The following THSD4 variants were observed in gnomAD, a reference collection of about 807,000 sequenced individuals.
THSD4 encodes the protein thrombospondin type 1 domain containing 4, also known as thrombospondin type-1 domain-containing protein 4.
Under a neutral mutation model 119.0 loss-of-function variants are expected in THSD4, and 69 were observed. That is an observed-to-expected ratio of 0.58 (90% confidence interval 0.48 to 0.71). THSD4 has a LOEUF of 0.71. Among genes scored for constraint, THSD4 ranks in the 30% least tolerant of loss-of-function variants. THSD4 has a pLI of 0.00. For synonymous variants in THSD4, 524 were observed against 540.4 expected (o/e 0.97, Z 0.42); for missense variants, 1,393 against 1,391.1 (o/e 1.00, Z -0.02).
At chr15:71,689,668 C>G (rs760100220) in intron 8 of THSD4, among the ~76,000 whole-genome samples, 6 of 152,238 alleles carry the variant, frequency 3.9e-5, no homozygotes, top group Non-Finnish European at 8.8e-5. Flanking sequence ...TGGGGCAAGA[C>G]TGCGTGCATC....
intron 6 of THSD4, among the ~76,000 whole-genome samples, chr15:71,292,867 A>G (rs560481298): frequency 1.3e-3 from 191 of 152,130 alleles, no homozygotes; most frequent in African/African-American, 4.5e-3. Flanking sequence ...TAGTAGAGAC[A>G]GGGTTTCACT....
intron 8 of THSD4, among the ~76,000 whole-genome samples, chr15:71,674,585 C>T (rs750872684): frequency 2.4e-4 from 37 of 152,144 alleles, no homozygotes; most frequent in Non-Finnish European, 4.0e-4. Flanking sequence ...GTCAGGGGCA[C>T]AGCCTGACAG....
intron 7 of THSD4, among the ~76,000 whole-genome samples, chr15:71,648,925 C>T (rs547504042): frequency 6.6e-6 from 1 of 152,232 alleles, no homozygotes; most frequent in South Asian, 2.1e-4. Context: ...TACTTTGATC[C>T]CTCATTTTAC....
intron 2 of THSD4, among the ~76,000 whole-genome samples, chr15:71,153,451 A>T (rs577223101): frequency 1.3e-5 from 2 of 152,154 alleles, no homozygotes; most frequent in African/African-American, 4.8e-5. Flanking sequence ...CTCCATGACA[A>T]CAGCAAGAAG....
At chr15:71,310,857 G>T (rs2045101457) in intron 6 of THSD4, among the ~76,000 whole-genome samples, 1 of 152,144 alleles carries the variant, frequency 6.6e-6, no homozygotes, top group African/African-American at 2.4e-5. Context: ...AGAGACAGGG[G>T]GGCAGGAGAA....
chr15:71,295,541 G>T (rs775005768), intron 6 of THSD4, among the ~76,000 whole-genome samples: 8 of 152,130 alleles, frequency 5.3e-5, no homozygotes, highest in Non-Finnish European at 7.3e-5. Flanking sequence ...GAGGCAATCT[G>T]GCTCTGTATG....
chr15:71,664,899 G>A (rs1451028912), intron 8 of THSD4, among the ~76,000 whole-genome samples: 1 of 151,994 alleles, frequency 6.6e-6, no homozygotes, highest in African/African-American at 2.4e-5. Flanking sequence ...TGTCATTGTT[G>A]GGCATTTAGG....
intron 6 of THSD4, among the ~76,000 whole-genome samples, chr15:71,331,016 G>C (rs187564619): frequency 1.3e-5 from 2 of 152,184 alleles, no homozygotes; most frequent in African/African-American, 2.4e-5. Flanking sequence ...TGTGGCTCCC[G>C]GGTGTAGACA....
intron 4 of THSD4, among the ~76,000 whole-genome samples, chr15:71,224,787 C>G (rs1474838485): frequency 6.6e-6 from 1 of 152,172 alleles, no homozygotes; most frequent in African/African-American, 2.4e-5. Flanking sequence ...GTAATCTCAT[C>G]TCGTTCTCTG....
At chr15:71,704,854 A>T (rs143588556) in intron 8 of THSD4, among the ~76,000 whole-genome samples, 2 of 152,234 alleles carry the variant, frequency 1.3e-5, no homozygotes, top group Non-Finnish European at 2.9e-5. Flanking sequence ...TGACGTGCAG[A>T]CACGGCAAGC....
intron 7 of THSD4, among the ~76,000 whole-genome samples, chr15:71,621,404 C>T (rs1467687762): frequency 6.6e-6 from 1 of 152,100 alleles, no homozygotes; most frequent in African/African-American, 2.4e-5. Flanking sequence ...TCCTAAAGGT[C>T]CCTTTCAACC....
intron 6 of THSD4, among the ~76,000 whole-genome samples, chr15:71,271,897 T>C (rs1317517629): frequency 2.0e-5 from 3 of 152,150 alleles, no homozygotes; most frequent in Admixed American, 6.5e-5. Flanking sequence ...TTCTTGCATA[T>C]GACCTCAAAA....
chr15:71,773,746 A>C (rs945540549), intron 17 of THSD4, among the ~76,000 whole-genome samples: 6 of 152,198 alleles, frequency 3.9e-5, no homozygotes, highest in Non-Finnish European at 4.4e-5. Flanking sequence ...AAGAAGGCTC[A>C]AGTGCACATT....
chr15:71,535,162 C>T (rs2048671880), intron 7 of THSD4, among the ~76,000 whole-genome samples: 1 of 152,214 alleles, frequency 6.6e-6, no homozygotes, highest in African/African-American at 2.4e-5. Context: ...GCCTGTGAAA[C>T]AACTAATCTA....
chr15:71,559,404 A>G (rs571847546), intron 7 of THSD4, among the ~76,000 whole-genome samples: 35 of 152,238 alleles, frequency 2.3e-4, no homozygotes, highest in African/African-American at 8.2e-4. Flanking sequence ...AGAATGTTTT[A>G]TCTGGTAATC....
At chr15:71,526,384 CTTCT>C (rs1413329481) in intron 7 of THSD4, among the ~76,000 whole-genome samples, 1 of 152,154 alleles carries the variant, frequency 6.6e-6, no homozygotes, top group Non-Finnish European at 1.5e-5. Flanking sequence ...TTTCCAGTTA[CTTCT>C]TTCTTGTTAG....
chr15:71,561,608 G>A (rs7183453), intron 7 of THSD4, among the ~76,000 whole-genome samples: 37,444 of 152,000 alleles, frequency 0.25, 4,963 homozygotes, highest in Middle Eastern at 0.41. Flanking sequence ...TATACAGTCA[G>A]GAATCCGGAG....
chr15:71,343,812 A>G (rs985454465), intron 6 of THSD4, among the ~76,000 whole-genome samples: 1 of 150,364 alleles, frequency 6.7e-6, no homozygotes. Flanking sequence ...TCCCAGGCTC[A>G]GATGATCGTC....
intron 3 of THSD4, among the ~76,000 whole-genome samples, chr15:71,169,994 T>G (rs1596238888): frequency 6.6e-6 from 1 of 152,180 alleles, no homozygotes; most frequent in East Asian, 1.9e-4. Context: ...GCCAACATGG[T>G]GAAACCCCAT....
Sources: allele counts gnomAD v4.1 joint callset (sites outside exome capture counted in the v4.1 genomes callset), GRCh38; gene constraint gnomAD v4.1.1; transcripts MANE v1.5; gene names NCBI Gene and HGNC (gene_info 2026-07-23, HGNC 2026-07-21).